The following NSG2 variants were observed in gnomAD, a reference collection of about 807,000 sequenced individuals.
NSG2 encodes neuronal vesicle trafficking associated 2, also known as neuronal vesicle trafficking-associated protein 2.
NSG2 carries 4 observed loss-of-function variants against 16.9 expected under a neutral mutation model. The observed-to-expected ratio is 0.24, with a 90% CI of 0.12 to 0.54. NSG2 has a LOEUF of 0.54. Ranked by LOEUF, NSG2 falls within the 20% of genes least tolerant of loss-of-function variation. The pLI is 0.95. For synonymous variants in NSG2, 98 were observed against 88.7 expected (o/e 1.11, Z -0.59); for missense variants, 179 against 221.1 (o/e 0.81, Z 1.21).
At chr5:174,087,256 C>T (rs888681922) in intron 3 of NSG2, among the ~76,000 whole-genome samples, 3 of 152,058 alleles carry the variant, frequency 2.0e-5, no homozygotes, top group African/African-American at 7.2e-5. Context: ...TGGAGAGAAC[C>T]GGTGTATTCC....
chr5:174,047,514 G>T (rs1759818703), intron 2 of NSG2, among the ~76,000 whole-genome samples: 1 of 152,184 alleles, frequency 6.6e-6, no homozygotes, highest in South Asian at 2.1e-4. Context: ...ATTTGAATTG[G>T]GCTTTTAAAG....
chr5:174,065,732 G>A lies in NSG2; in HGVS notation c.213+1417G>A, dbSNP rs534366875. The stretch of plus-strand genomic sequence containing the variant: ...AGGCAAACAATCAGCCCTGGAGGCA[G>A]TAGAACAAGTGGTCCTGTGGATGGA... On this transcript the variant is annotated intron_variant, in intron 3 of 4. Transcript: ENST00000303177. Among the ~76,000 whole-genome samples the A allele has an allele frequency of 5.3e-5, 8 of 152,360 alleles. No homozygotes were observed. The East Asian group carries it at 1.2e-3, about 22-fold the overall frequency.
At chr5:174,069,624 T>C (rs1366136244) in intron 3 of NSG2, among the ~76,000 whole-genome samples, 1 of 152,184 alleles carries the variant, frequency 6.6e-6, no homozygotes, top group African/African-American at 2.4e-5. Context: ...AATTATCATT[T>C]TCTTTCTTTC....
intron 3 of NSG2, among the ~76,000 whole-genome samples, chr5:174,082,977 T>C (rs1014741149): frequency 2.6e-5 from 4 of 152,214 alleles, no homozygotes; most frequent in African/African-American, 9.6e-5. Context: ...AACTCTTCAG[T>C]CTGAACCTTA....
In NSG2 at chr5:174,064,242, A is replaced by G. The variant is rs1340583703; in HGVS notation, c.140A>G (p.Lys47Arg). The G allele has an allele frequency of 1.2e-6, 2 of 1,608,458 alleles. No homozygotes were observed. The highest frequency in any genetic ancestry group is 1.1e-5 in the South Asian group (1 of 90,000). Residue 47 changes from lysine to arginine, a missense_variant, in exon 3 of 5, where the codon AAG becomes AGG. Coordinates refer to ENST00000303177, the MANE Select transcript of NSG2 (RefSeq NM_015980.5). ...QLPAPEKVIV[K>R]TRTEYQPEQK... ...GGTTGACTCTTTCAGGTGATTGTGA[A>G]GACAAGAACGGAATATCAGCCGGAA...
rs1253812401 is a variant in NSG2, at chr5:174,072,931, G to C, written c.213+8616G>C. Among the ~76,000 whole-genome samples the C allele has an allele frequency of 6.6e-6, 1 of 152,186 alleles. No individual in the cohort carries two copies. Among genetic ancestry groups the C allele is most frequent in the East Asian group, 1.9e-4 (1 of 5,190 alleles). On this transcript the variant is annotated intron_variant, in intron 3 of 4. Coordinates refer to ENST00000303177, the MANE Select transcript of NSG2 (RefSeq NM_015980.5). This position sits in a 1 kb window ranked among gnomAD's most constrained non-coding sequence, Gnocchi z 4.0. ...GCCTGGGAGGTTGAGGCTGCAGTGA[G>C]CCGGATTGTGCCACTGCACTCCAAC... is the stretch of plus-strand genomic sequence containing the variant.
intron 2 of NSG2, among the ~76,000 whole-genome samples, chr5:174,059,406 C>G (rs1760015359): frequency 6.6e-6 from 1 of 152,132 alleles, no homozygotes; most frequent in Non-Finnish European, 1.5e-5. Context: ...GTTCTTGTAT[C>G]TTTTGGTGGA....
chr5:174,049,540 G>A (rs1047383400), intron 2 of NSG2, among the ~76,000 whole-genome samples: 4 of 152,154 alleles, frequency 2.6e-5, no homozygotes, highest in Non-Finnish European at 5.9e-5. Context: ...CACTACTTTG[G>A]TCTGAATTTT....
At chr5:174,083,465 G>T (rs982697610) in intron 3 of NSG2, among the ~76,000 whole-genome samples, 1 of 152,152 alleles carries the variant, frequency 6.6e-6, no homozygotes, top group African/African-American at 2.4e-5. Context: ...GAATATCCCA[G>T]GGCACAGCAC....
At chr5:174,097,843 CTGTGTGTGTG>C (rs111292177) in intron 3 of NSG2, among the ~76,000 whole-genome samples, 28 of 144,364 alleles carry the variant, frequency 1.9e-4, no homozygotes, top group African/African-American at 6.9e-4. Context: ...TTGTGTGTGT[CTGTGTGTGTG>C]TGTGTGTGTG....
chr5:174,070,353 G>A (rs1760217369), intron 3 of NSG2, among the ~76,000 whole-genome samples: 1 of 152,184 alleles, frequency 6.6e-6, no homozygotes, highest in African/African-American at 2.4e-5. Context: ...GCTTAGAGAA[G>A]TGAGGTGATT....
intron 2 of NSG2, among the ~76,000 whole-genome samples, chr5:174,050,350 C>T (rs1045018464): frequency 2.6e-5 from 4 of 152,302 alleles, no homozygotes; most frequent in South Asian, 2.1e-4. Flanking sequence ...CTTCTGGAGG[C>T]TAGCTGGAGT....
chr5:174,099,055 G>A (rs541586007), intron 3 of NSG2, among the ~76,000 whole-genome samples: 153 of 152,264 alleles, frequency 1.0e-3, no homozygotes, highest in Non-Finnish European at 1.6e-3. Flanking sequence ...TTCTCTCCCC[G>A]ACCCTCTTAG....
chr5:174,073,109 T>C (rs1272499120), intron 3 of NSG2, among the ~76,000 whole-genome samples: 1 of 152,212 alleles, frequency 6.6e-6, no homozygotes, highest in Non-Finnish European at 1.5e-5. Context: ...TTCCAGTATC[T>C]TTATATAAAA....
intron 3 of NSG2, among the ~76,000 whole-genome samples, chr5:174,081,806 C>T (rs966379461): frequency 1.4e-5 from 2 of 147,120 alleles, no homozygotes; most frequent in Admixed American, 1.4e-4. Context: ...AGGAGAATGG[C>T]ATGAACCCGG....
rs1380540148 is a variant in NSG2, at chr5:174,046,893, T to C, written c.129+9T>C. The C allele has an allele frequency of 1.2e-6, 2 of 1,613,890 alleles. No individual in the cohort carries two copies. The highest frequency in any genetic ancestry group is 2.2e-5 in the South Asian group (2 of 91,056). ...TGCCTGCTCCAGAAAAGGTAAAGCATGTCCTCTTGCTCTCATCAGCCCCCA... is the reference window on the plus strand; with the variant it reads ...TGCCTGCTCCAGAAAAGGTAAAGCACGTCCTCTTGCTCTCATCAGCCCCCA... On this transcript the variant is annotated intron_variant, in intron 2 of 4. Transcript: ENST00000303177.
intron 2 of NSG2, among the ~76,000 whole-genome samples, chr5:174,058,810 G>A (rs948390077): frequency 2.0e-5 from 3 of 152,196 alleles, no homozygotes; most frequent in African/African-American, 4.8e-5. Flanking sequence ...ACACTTCCTC[G>A]GGGTGAAGAC....
chr5:174,089,549 C>T (rs1041828345), intron 3 of NSG2, among the ~76,000 whole-genome samples: 1 of 151,706 alleles, frequency 6.6e-6, no homozygotes, highest in African/African-American at 2.4e-5. Flanking sequence ...CAGGCTTCTC[C>T]GTGCAGGAAG....
At chr5:174,086,749 T>G (rs567515276) in intron 3 of NSG2, among the ~76,000 whole-genome samples, 1 of 152,364 alleles carries the variant, frequency 6.6e-6, no homozygotes, top group Admixed American at 6.5e-5. Context: ...GTCAAAGGTC[T>G]TAGTATTCTC....
Sources: allele counts gnomAD v4.1 joint callset (sites outside exome capture counted in the v4.1 genomes callset), GRCh38; gene constraint gnomAD v4.1.1; non-coding constraint Gnocchi (gnomAD v3.1); transcripts MANE v1.5; gene names NCBI Gene and HGNC (gene_info 2026-07-23, HGNC 2026-07-21).